The following OTOF variants were observed in gnomAD, a reference collection of about 807,000 sequenced individuals.
The protein encoded by OTOF is otoferlin, also known as fer-1-like family member 2.
In OTOF, 218 loss-of-function variants were observed where a neutral mutation model predicts 236.8. That is an observed-to-expected ratio of 0.92 (90% CI 0.82 to 1.03). The LOEUF (loss-of-function observed/expected upper bound fraction) is 1.03. Ranked by LOEUF, OTOF falls within the 50% of genes least tolerant of loss-of-function variation. The probability of loss-of-function intolerance (pLI) is 0.00; values close to 1 mark genes in which losing one functional copy is unlikely to be tolerated. For missense variants in OTOF, 2,590 were observed against 2,694.4 expected, an observed-to-expected ratio of 0.96 and a Z score of 0.86; for synonymous variants, 1,041 against 1,072.5, an observed-to-expected ratio of 0.97 and a Z score of 0.57.
chr2:26,466,528 G>T (rs1664735157), intron 36 of OTOF, among the ~76,000 whole-genome samples, 186 bp downstream of exon 36: 1 of 152,110 alleles, frequency 6.6e-6, no homozygotes, highest in South Asian at 2.1e-4. Context: ...GTAGAGACGG[G>T]GTTTAACCAT....
intron 3 of OTOF, among the ~76,000 whole-genome samples, chr2:26,521,946 C>G (rs1392723425): frequency 2.0e-5 from 3 of 152,212 alleles, no homozygotes; most frequent in Non-Finnish European, 4.4e-5. Flanking sequence ...CCTCCTCCCT[C>G]CCTAATAATG....
intron 2 of OTOF, among the ~76,000 whole-genome samples, chr2:26,529,872 G>T (rs995601207): frequency 2.6e-5 from 4 of 152,184 alleles, no homozygotes; most frequent in Admixed American, 2.0e-4. Context: ...GCGGAGGGGT[G>T]CGCTGAGAGT....
At chr2:26,499,110 G>T (rs1018139033) in intron 8 of OTOF, among the ~76,000 whole-genome samples, 1 of 152,142 alleles carries the variant, frequency 6.6e-6, no homozygotes, top group African/African-American at 2.4e-5. Context: ...GTAATAAAGA[G>T]ACTCAAGACC....
chr2:26,466,255 C>T, intron 36 of OTOF, 179 bp from the exon 37 acceptor site: 1 of 703,730 alleles, frequency 1.4e-6, no homozygotes, highest in Non-Finnish European at 2.5e-6. Context: ...GCGTTGACTT[C>T]TTCCTCTAGA....
At chr2:26,537,663 C>G (rs1228256760) in intron 2 of OTOF, 53 bp downstream of exon 2, 6 of 1,394,874 alleles carry the variant, frequency 4.3e-6, no homozygotes, top group Non-Finnish European at 6.0e-6. Flanking sequence ...CGAAGGGTGG[C>G]TGTTCCCCTC....
intron 1 of OTOF, among the ~76,000 whole-genome samples, chr2:26,553,999 C>T (rs901488859): frequency 2.0e-5 from 3 of 152,004 alleles, no homozygotes; most frequent in African/African-American, 4.8e-5. Flanking sequence ...GGTGAAACAC[C>T]GTCTCTACTA....
rs555817639 is a variant in OTOF, at chr2:26,482,961, G to C, written c.1393-369C>G. 2.0e-5 allele frequency among the ~76,000 whole-genome samples: 3 copies of C among 150,702 alleles called. No homozygotes were observed. The East Asian group carries it at 5.9e-4, about 30-fold the overall frequency. ...TGTATTCGTGGGTGCATGTGTGCAC[G>C]TGTGAGTGGGTATGCGTGCGTGTGT... On this transcript the variant is annotated intron_variant, in intron 13 of 46. Transcript: ENST00000272371.
rs772980285 is a variant in OTOF, at chr2:26,479,285, C to T, written c.2193G>A (p.Met731Ile). The T allele has an allele frequency of 6.2e-7, 1 of 1,612,930 alleles. No homozygotes were observed. The change falls in exon 18 of 47, where the codon ATG becomes ATA. Residue 731 changes from methionine to isoleucine, a missense_variant. Coordinates refer to ENST00000272371, the MANE Select transcript of OTOF (RefSeq NM_194248.3). Reference protein sequence around the residue: ...QRRRLYNANIMDHIADKLEEG... With the variant: ...QRRRLYNANIIDHIADKLEEG... ...TGACCAGCTTGTCGGCAATGTGGTCCATGATGTTGGCATTGTAGAGGCGGC... is the reference window on the plus strand; with the variant it reads ...TGACCAGCTTGTCGGCAATGTGGTCTATGATGTTGGCATTGTAGAGGCGGC...
chr2:26,475,795 G>A, intron 24 of OTOF, 119 bp downstream of exon 24: 2 of 1,344,302 alleles, frequency 1.5e-6, no homozygotes, highest in South Asian at 1.3e-5. Context: ...CCGGGGCACT[G>A]GCTGACCTGT....
At position 26,483,113 on chromosome 2, in the gene OTOF, A is replaced by C. The variant is rs529292265; in HGVS notation, c.1392+349T>G. The stretch of plus-strand genomic sequence containing the variant: ...CATGTGTGTGTGTATTCGTGGGTGC[A>C]CGTGTGCACGGGTGAGTGGGTGCGT... On this transcript the variant is annotated intron_variant, in intron 13 of 46. Coordinates refer to ENST00000272371, the MANE Select transcript of OTOF (RefSeq NM_194248.3). Among the ~76,000 whole-genome samples the C allele has an allele frequency of 1.5e-4, 21 of 136,482 alleles. No homozygotes were observed. The East Asian group carries it at 4.8e-3, about 31-fold the overall frequency. The allele number at this position is 136,482 out of a possible 152,430, so 89.5% of individuals were successfully genotyped here.
At chr2:26,526,257 AATGG>A (rs112692122) in intron 3 of OTOF, among the ~76,000 whole-genome samples, 92 of 151,168 alleles carry the variant, frequency 6.1e-4, no homozygotes, top group African/African-American at 2.0e-3. Context: ...AGGATGGGTG[AATGG>A]ATGGATGGAT....
chr2:26,556,273 T>G (rs1347900765), intron 1 of OTOF, among the ~76,000 whole-genome samples: 1 of 152,156 alleles, frequency 6.6e-6, no homozygotes, highest in Non-Finnish European at 1.5e-5. Flanking sequence ...AGTGGTTGCA[T>G]GTGCTGGGAG....
chr2:26,468,394 G>C lies in OTOF; in HGVS notation c.4090+14C>G. Reference sequence around the variant, plus strand: ...CGGGGAGGAGGAGGCAGAGTTCCAGGTTCCAGGGCTCACCCTCGGTATTGT... The same window carrying C: ...CGGGGAGGAGGAGGCAGAGTTCCAGCTTCCAGGGCTCACCCTCGGTATTGT... On this transcript the variant is annotated intron_variant, in intron 33 of 46. Coordinates refer to ENST00000272371, the MANE Select transcript of OTOF (RefSeq NM_194248.3). The C allele has an allele frequency of 6.2e-7, 1 of 1,609,330 alleles. No homozygotes were observed. The highest frequency in any genetic ancestry group is 8.5e-7 in the Non-Finnish European group (1 of 1,175,686).
chr2:26,492,375 C>T (rs1239992284), intron 9 of OTOF, among the ~76,000 whole-genome samples: 1 of 152,064 alleles, frequency 6.6e-6, no homozygotes, highest in African/African-American at 2.4e-5. Context: ...TTAGAGGAAA[C>T]AGAAACAAAA....
chr2:26,501,533 A>G (rs1666115442), intron 8 of OTOF, among the ~76,000 whole-genome samples: 1 of 152,240 alleles, frequency 6.6e-6, no homozygotes, highest in African/African-American at 2.4e-5. Flanking sequence ...TGATTAGCAT[A>G]GGCAGAGTTC....
intron 9 of OTOF, among the ~76,000 whole-genome samples, chr2:26,493,679 G>A (rs572681335): frequency 6.6e-6 from 1 of 152,336 alleles, no homozygotes; most frequent in East Asian, 1.9e-4. Flanking sequence ...GAATGTAGAG[G>A]AGGGGTCAGC....
At chr2:26,550,008 T>A (rs907712707) in intron 1 of OTOF, among the ~76,000 whole-genome samples, 1 of 151,426 alleles carries the variant, frequency 6.6e-6, no homozygotes, top group Non-Finnish European at 1.5e-5. Context: ...GCACTGGGAA[T>A]ACAATGAGGT....
rs754090877 is a variant in OTOF, at chr2:26,460,116, T to C, written c.5903A>G (p.Lys1968Arg). 22 of 1,591,738 alleles carry C rather than the reference T, an allele frequency of 1.4e-5. No homozygotes were observed. Among genetic ancestry groups the C allele is most frequent in the African/African-American group, 2.7e-5 (2 of 74,554 alleles). Residue 1968 changes from lysine to arginine, a missense_variant, in exon 46 of 47, where the codon AAA becomes AGA. Physicochemically the swap from Lys to Arg is conservative, Grantham distance 26 (BLOSUM62 2). Around this residue, in one of 2 missense-constraint regions of OTOF, gnomAD observed 1,211 missense variants for 1,352.8 expected, o/e 0.90. Coordinates refer to ENST00000272371, the MANE Select transcript of OTOF (RefSeq NM_194248.3). The surrounding 1 kb of genome is among the most constrained non-coding windows in gnomAD (Gnocchi z 5.3). ...LWHTYRWLLL[K>R]LLLLLLLLLL... ...GAGCAGCAGCAGGAGCAGCAACAGT[T>C]TGAGGAGCAGCCAGCGATACGTGTG...
intron 2 of OTOF, among the ~76,000 whole-genome samples, chr2:26,529,302 C>T (rs1666884490): frequency 6.6e-6 from 1 of 152,128 alleles, no homozygotes; most frequent in African/African-American, 2.4e-5. Context: ...TTTTTTAGTT[C>T]CATTTTTATA....
Sources: allele counts gnomAD v4.1 joint callset (sites outside exome capture counted in the v4.1 genomes callset), GRCh38; gene constraint gnomAD v4.1.1; regional missense constraint gnomAD v4.1.1; non-coding constraint Gnocchi (gnomAD v3.1); transcripts MANE v1.5; gene names NCBI Gene and HGNC (gene_info 2026-07-23, HGNC 2026-07-21).